The following DGKK variants were observed in gnomAD, a reference collection of about 807,000 sequenced individuals.
DGKK encodes the protein diacylglycerol kinase kappa, also known as 142 kDa diacylglycerol kinase.
A neutral mutation model predicts 92.2 loss-of-function variants in DGKK; 35 were observed. The ratio of observed to expected loss-of-function variants is 0.38; its 90% CI spans 0.29 to 0.50. The LOEUF (loss-of-function observed/expected upper bound fraction) is 0.50. Among genes scored for constraint, DGKK ranks in the 20% least tolerant of loss-of-function variants. The pLI is 0.92. For synonymous variants in DGKK, 368 were observed against 360.6 expected (o/e 1.02, Z -0.23); for missense variants, 910 against 992.2 (o/e 0.92, Z 1.11).
chrX:50,418,269 G>A (rs1557228756), intron 4 of DGKK, among the ~76,000 whole-genome samples: 1 of 111,803 alleles, frequency 8.9e-6, no homozygotes, highest in African/African-American at 3.3e-5. Flanking sequence ...CTTGGGTACT[G>A]TCATTTAACT....
At chrX:50,420,376 G>A (rs1805345931) in intron 4 of DGKK, 27 bp downstream of exon 4, 1 of 1,163,133 alleles carries the variant, frequency 8.6e-7, no homozygotes, top group Non-Finnish European at 1.2e-6. Context: ...ATTAAGAATT[G>A]TGTGGCTTCT....
chrX:50,382,425 A>G, intron 18 of DGKK, 71 bp downstream of exon 18: 1 of 743,084 alleles, frequency 1.3e-6, no homozygotes, highest in Non-Finnish European at 2.0e-6. Flanking sequence ...TGAGAGGTAG[A>G]GAATGTAGGA....
At position 50,408,545 on chromosome X, in the gene DGKK, AT is replaced by A. The variant is rs531318025; in HGVS notation, c.943-4362del. Reference sequence around the variant, plus strand: ...AGGCGCCCGCCACCACGCCCGGCTAATTTTTTTTTTTGTATTTTTAGTAGAG... The same window carrying A: ...AGGCGCCCGCCACCACGCCCGGCTAATTTTTTTTTTGTATTTTTAGTAGAG... On this transcript the variant is annotated intron_variant, in intron 4 of 27. Transcript: ENST00000611977. Among the ~76,000 whole-genome samples, 910 of 103,393 alleles carry A rather than the reference AT, an allele frequency of 8.8e-3. 6 individuals are homozygous for A. Among genetic ancestry groups the A allele is most frequent in the Middle Eastern group, 0.044 (9 of 204 alleles). The allele number at this position is 103,393 out of a possible 115,157, so 89.8% of individuals were successfully genotyped here.
At chrX:50,416,062 G>T (rs781927826) in intron 4 of DGKK, among the ~76,000 whole-genome samples, 2 of 110,949 alleles carry the variant, frequency 1.8e-5, no homozygotes, top group East Asian at 5.7e-4. Context: ...TTATAAAAGG[G>T]ACCCCAGAGA....
At chrX:50,419,466 C>T (rs180720937) in intron 4 of DGKK, among the ~76,000 whole-genome samples, 1 of 111,907 alleles carries the variant, frequency 8.9e-6, no homozygotes, top group East Asian at 2.8e-4. Context: ...AATCTTCTAC[C>T]CATTGCTAGT....
chrX:50,443,969 C>T (rs1449897133), intron 1 of DGKK, among the ~76,000 whole-genome samples: 3 of 111,101 alleles, frequency 2.7e-5, no homozygotes, highest in African/African-American at 6.5e-5. Flanking sequence ...TGTACCCTTT[C>T]GAGGTTGGCT....
intron 17 of DGKK, among the ~76,000 whole-genome samples, 171 bp downstream of exon 17, chrX:50,383,997 A>G (rs1045588585): frequency 8.9e-6 from 1 of 112,117 alleles, no homozygotes; most frequent in Non-Finnish European, 1.9e-5. Context: ...AAGTTCTACA[A>G]TGGTCTTCAT....
chrX:50,457,714 T>C (rs1926643026), intron 1 of DGKK, among the ~76,000 whole-genome samples: 1 of 111,742 alleles, frequency 8.9e-6, no homozygotes, highest in Non-Finnish European at 1.9e-5. Flanking sequence ...TTATGCCTAT[T>C]TTATAGGACT....
chrX:50,390,488 G>A, intron 11 of DGKK, 79 bp from the exon 12 acceptor site: 1 of 939,049 alleles, frequency 1.1e-6, no homozygotes. Flanking sequence ...GGTGAAGACA[G>A]AAGTAAAAAT....
chrX:50,431,812 T>G (rs1227904223), intron 1 of DGKK, among the ~76,000 whole-genome samples: 2 of 111,786 alleles, frequency 1.8e-5, no homozygotes, highest in Non-Finnish European at 3.8e-5. Flanking sequence ...TTCCCCAGGG[T>G]CCTGTTGACA....
At chrX:50,385,000 C>T (rs1007182733) in intron 15 of DGKK, among the ~76,000 whole-genome samples, 176 bp from the exon 16 acceptor site, 2 of 112,079 alleles carry the variant, frequency 1.8e-5, no homozygotes, top group Admixed American at 9.4e-5. Flanking sequence ...TCGACCATCA[C>T]GTCTCCTCCA....
chrX:50,387,687 T>C (rs782560367), intron 13 of DGKK, 34 bp from the exon 14 acceptor site: 4 of 1,039,007 alleles, frequency 3.8e-6, no homozygotes, highest in South Asian at 2.0e-5. Flanking sequence ...CAATGTTACA[T>C]GAACCATGAG....
chrX:50,461,118 A>G (rs1398283068), intron 1 of DGKK, among the ~76,000 whole-genome samples: 1 of 112,231 alleles, frequency 8.9e-6, no homozygotes, highest in African/African-American at 3.2e-5. Context: ...AACTGCAACA[A>G]TTGTGTCTAC....
intron 1 of DGKK, among the ~76,000 whole-genome samples, chrX:50,435,304 T>G (rs1039547147): frequency 1.3e-4 from 15 of 112,120 alleles, no homozygotes; most frequent in Non-Finnish European, 2.6e-4. Context: ...CCCATTTCTT[T>G]CCATTCATGG....
chrX:50,449,367 A>G (rs782313330), intron 1 of DGKK, among the ~76,000 whole-genome samples: 3 of 111,730 alleles, frequency 2.7e-5, no homozygotes, highest in Non-Finnish European at 5.7e-5. Flanking sequence ...TAGCCATCCC[A>G]CAGAGGAAGT....
intron 27 of DGKK, among the ~76,000 whole-genome samples, chrX:50,369,735 A>AT (rs1924072296): frequency 9.0e-6 from 1 of 110,862 alleles, no homozygotes; most frequent in Non-Finnish European, 1.9e-5. Context: ...TTAATTTTTT[A>AT]TTTTTTGTAG....
chrX:50,419,135 A>C (rs1925509258), intron 4 of DGKK, among the ~76,000 whole-genome samples: 1 of 111,469 alleles, frequency 9.0e-6, no homozygotes, highest in African/African-American at 3.3e-5. Flanking sequence ...GAAAGTAACA[A>C]AGAGGTAAAA....
At chrX:50,385,377 C>T (rs1440116104) in intron 15 of DGKK, among the ~76,000 whole-genome samples, 1 of 111,754 alleles carries the variant, frequency 8.9e-6, no homozygotes, top group Non-Finnish European at 1.9e-5. Flanking sequence ...TAGGTTCAAT[C>T]TCTACCCCTA....
At chrX:50,383,902 T>C (rs782794468) in intron 17 of DGKK, among the ~76,000 whole-genome samples, 91 of 112,459 alleles carry the variant, frequency 8.1e-4, no homozygotes, top group African/African-American at 2.8e-3. Context: ...CAAATGCATA[T>C]AACACTTAAT....
Sources: gnomAD v4.1 joint callset for allele counts (sites outside exome capture counted in the v4.1 genomes callset) on GRCh38, gnomAD v4.1.1 for gene constraint, MANE v1.5 for transcripts, NCBI Gene and HGNC (gene_info 2026-07-23, HGNC 2026-07-21) for gene names.